CCDC30: variants seen among roughly 807,000 people sequenced by gnomAD.
CCDC30 encodes the protein coiled-coil domain-containing protein 30.
Under a neutral mutation model 100.2 loss-of-function variants are expected in CCDC30, and 70 were observed. The observed-to-expected ratio is 0.70, with a 90% CI of 0.58 to 0.85. CCDC30 has a LOEUF of 0.85. CCDC30 is among the 40% of genes least tolerant of loss of function. The probability of loss-of-function intolerance (pLI) is 0.00; values close to 1 mark genes in which losing one functional copy is unlikely to be tolerated. For synonymous variants in CCDC30, 233 were observed against 269.5 expected (o/e 0.86, Z 1.33); for missense variants, 652 against 771.2 (o/e 0.85, Z 1.83).
intron 6 of CCDC30, among the ~76,000 whole-genome samples, chr1:42,557,985 G>A (rs1014809814): frequency 6.6e-6 from 1 of 152,076 alleles, no homozygotes; most frequent in African/African-American, 2.4e-5. Context: ...GTGGTTCCTA[G>A]TAACCTGATT....
chr1:42,516,697 G>A (rs1198653685), intron 6 of CCDC30, among the ~76,000 whole-genome samples: 1 of 151,748 alleles, frequency 6.6e-6, no homozygotes, highest in Non-Finnish European at 1.5e-5. Flanking sequence ...ATAGCATAAG[G>A]CCCTTACCAC....
chr1:42,594,362 T>A (rs535094209), intron 10 of CCDC30: 4 of 152,176 alleles, frequency 2.6e-5, no homozygotes, highest in South Asian at 4.1e-4. Context: ...AAATTTTTTT[T>A]AATTAGCTGG....
intron 11 of CCDC30, among the ~76,000 whole-genome samples, chr1:42,623,904 C>A (rs1468210592): frequency 6.6e-6 from 1 of 152,086 alleles, no homozygotes; most frequent in African/African-American, 2.4e-5. Flanking sequence ...CCTTCAATTT[C>A]TTTCATTAGT....
intron 2 of CCDC30, 49 bp from the exon 3 acceptor site, chr1:42,482,614 G>A (rs1231946156): frequency 7.1e-6 from 8 of 1,120,010 alleles, no homozygotes; most frequent in African/African-American, 3.3e-5. Flanking sequence ...AAAATGTCAT[G>A]AGAGTACATT....
At position 42,492,483 on chromosome 1, in the gene CCDC30, C is replaced by A. The variant is rs112392605; in HGVS notation, c.241+2254C>A. 925 of 157,140 alleles carry A rather than the reference C, an allele frequency of 5.9e-3. 6 individuals carry two copies. The highest frequency in any genetic ancestry group is 0.021 in the African/African-American group (862 of 41,506). The allele number at this position is 157,140 out of a possible 1,614,324, so 9.7% of individuals were successfully genotyped here. A position where few individuals can be genotyped will look rare whatever the true frequency, so the allele number is the denominator to read the frequency against. ...TAGCTGATGGATATGAAGCACTGGT[C>A]CAAGAATCTGTTTAAAGTTCAAAAT... On this transcript the variant is annotated intron_variant, in intron 4 of 16. Coordinates refer to ENST00000668663, the Ensembl canonical transcript of CCDC30.
At chr1:42,545,524 G>A (rs1049142023) in intron 6 of CCDC30, 3 of 1,605,410 alleles carry the variant, frequency 1.9e-6, no homozygotes, top group South Asian at 1.1e-5. Flanking sequence ...TGAATCTAAT[G>A]AACCAATTTT....
intron 6 of CCDC30, among the ~76,000 whole-genome samples, chr1:42,510,741 G>T (rs1644465070): frequency 1.3e-5 from 2 of 151,924 alleles, no homozygotes; most frequent in Admixed American, 1.3e-4. Flanking sequence ...ATTTGCCTAA[G>T]GTCCTGCAAT....
At chr1:42,615,832 T>A (rs1189577819) in intron 11 of CCDC30, among the ~76,000 whole-genome samples, 1 of 152,220 alleles carries the variant, frequency 6.6e-6, no homozygotes, top group Non-Finnish European at 1.5e-5. Context: ...TGTGTCTGAC[T>A]TCTTTTGTTC....
chr1:42,539,398 A>G (rs566451814), intron 6 of CCDC30, 88 bp downstream of exon 8: 4 of 1,224,446 alleles, frequency 3.3e-6, no homozygotes, highest in East Asian at 2.5e-5. Context: ...TAAGCAACAG[A>G]TGATTTGGGA....
intron 8 of CCDC30, among the ~76,000 whole-genome samples, chr1:42,577,899 C>G (rs900676414): frequency 3.3e-5 from 5 of 152,100 alleles, no homozygotes; most frequent in Non-Finnish European, 7.4e-5. Flanking sequence ...CTCGGCCTCC[C>G]AAAGTGCTGG....
At chr1:42,604,069 A>T (rs541867564) in intron 10 of CCDC30, among the ~76,000 whole-genome samples, 1 of 151,944 alleles carries the variant, frequency 6.6e-6, no homozygotes, top group Non-Finnish European at 1.5e-5. Flanking sequence ...TTTTTTTTTA[A>T]TTAGCTGGGT....
intron 9 of CCDC30, among the ~76,000 whole-genome samples, chr1:42,582,059 C>CAAAAAA (rs770972866): frequency 2.0e-5 from 2 of 99,092 alleles, no homozygotes; most frequent in Non-Finnish European, 2.1e-5. Flanking sequence ...TTGTCTATAC[C>CAAAAAA]AAAAAAAAAA....
intron 6 of CCDC30, among the ~76,000 whole-genome samples, chr1:42,518,981 A>G (rs1340464267): frequency 2.0e-5 from 3 of 152,146 alleles, no homozygotes; most frequent in Admixed American, 6.5e-5. Context: ...AAGTGTTTTT[A>G]TCATGAAAGG....
intron 6 of CCDC30, among the ~76,000 whole-genome samples, chr1:42,511,980 T>A (rs1644485447): frequency 6.6e-6 from 1 of 152,204 alleles, no homozygotes; most frequent in Non-Finnish European, 1.5e-5. Flanking sequence ...TTTACCCACA[T>A]ATTTATTGAC....
intron 5 of CCDC30, among the ~76,000 whole-genome samples, chr1:42,498,588 T>A (rs1041649842): frequency 6.6e-6 from 1 of 152,206 alleles, no homozygotes; most frequent in Non-Finnish European, 1.5e-5. Context: ...AATACATGTG[T>A]GTATACGTGA....
At chr1:42,569,061 A>C (rs1447740758) in intron 7 of CCDC30, 1 of 152,266 alleles carries the variant, frequency 6.6e-6, no homozygotes, top group Admixed American at 6.5e-5. Context: ...CATATACTAA[A>C]ACTGGAATGA....
intron 15 of CCDC30, among the ~76,000 whole-genome samples, chr1:42,649,728 G>T (rs1161291972): frequency 6.6e-6 from 1 of 152,056 alleles, no homozygotes; most frequent in Non-Finnish European, 1.5e-5. Flanking sequence ...AGCAAATATA[G>T]TAAAGTTGAA....
chr1:42,625,372 A>G (rs1646913776), intron 11 of CCDC30, among the ~76,000 whole-genome samples: 1 of 151,886 alleles, frequency 6.6e-6, no homozygotes, highest in Non-Finnish European at 1.5e-5. Flanking sequence ...GATTTCATTT[A>G]TCTCTGCTCT....
chr1:42,491,920 G>T, intron 4 of CCDC30: 1 of 600,324 alleles, frequency 1.7e-6, no homozygotes, highest in African/African-American at 1.9e-5. Flanking sequence ...GCATCTGATA[G>T]CCTCAAGCGT....
Sources: gnomAD v4.1 joint callset for allele counts (sites outside exome capture counted in the v4.1 genomes callset) on GRCh38, gnomAD v4.1.1 for gene constraint, MANE v1.5 for transcripts, NCBI Gene and HGNC (gene_info 2026-07-23, HGNC 2026-07-21) for gene names.